Variants in ANKRD16 observed in about 807,000 individuals in gnomAD.
The protein encoded by ANKRD16 is ankyrin repeat domain-containing protein 16.
In ANKRD16, 35 loss-of-function variants were observed where a neutral mutation model predicts 37.9. The ratio of observed to expected loss-of-function variants is 0.92; its 90% CI spans 0.71 to 1.23. ANKRD16 has a LOEUF of 1.23. ANKRD16 is among the 50% of genes most tolerant of loss of function. The pLI is 0.00. For missense variants in ANKRD16, 480 were observed against 469.9 expected (o/e 1.02, Z -0.20); for synonymous variants, 206 against 197.2 (o/e 1.04, Z -0.37).
In ANKRD16 at chr10:5,863,114, A is replaced by G. The variant is rs1426528264; in HGVS notation, c.*34-423T>C. Among the ~76,000 whole-genome samples the G allele has an allele frequency of 2.0e-5, 3 of 152,040 alleles. No homozygotes were observed. The highest frequency in any genetic ancestry group is 1.5e-5 in the Non-Finnish European group (1 of 68,022). On this transcript the variant is annotated intron_variant, in intron 7 of 7. Transcript: ENST00000380094. This position sits in a 1 kb window ranked among gnomAD's most constrained non-coding sequence, Gnocchi z 4.7. ...GTCCCTGACTCCATGGGCTTTCAAC[A>G]CGAGGCCTCCCCAACGCAGTGTCCA...
intron 1 of ANKRD16, 89 bp downstream of exon 1, chr10:5,888,952 C>T (rs1842517436): frequency 1.5e-6 from 2 of 1,345,370 alleles, no homozygotes; most frequent in Non-Finnish European, 1.9e-6. Context: ...AGAACAGCTA[C>T]GGTGTCCAAG....
At chr10:5,884,333 T>C (rs1842376933) in intron 3 of ANKRD16, among the ~76,000 whole-genome samples, 1 of 152,246 alleles carries the variant, frequency 6.6e-6, no homozygotes, top group Non-Finnish European at 1.5e-5. Context: ...TTCAGCTTCC[T>C]GCACCAGAGA....
At chr10:5,886,553 T>C (rs555192869) in intron 2 of ANKRD16, among the ~76,000 whole-genome samples, 6 of 152,058 alleles carry the variant, frequency 3.9e-5, no homozygotes, top group Non-Finnish European at 5.9e-5. Context: ...ATCGTGCCAC[T>C]GTATTCCAGC....
In ANKRD16 at chr10:5,862,825, G is replaced by A. The variant is rs1276409373; in HGVS notation, c.*34-134C>T. 6 of 480,600 alleles carry A rather than the reference G, an allele frequency of 1.2e-5. No individual in the cohort carries two copies. The highest frequency in any genetic ancestry group is 2.0e-5 in the African/African-American group (1 of 49,738). 29.8% of individuals were successfully genotyped at this position (480,600 alleles called of 1,614,324 possible). On this transcript the variant is annotated intron_variant, in intron 7 of 7. Coordinates refer to ENST00000380094, the MANE Select transcript of ANKRD16 (RefSeq NM_019046.3). The surrounding 1 kb of genome is among the most constrained non-coding windows in gnomAD (Gnocchi z 6.5). ...AGGGCCTGGCTCTACATGCTGCACA[G>A]TCAGAGAGGGAGAGTCCCATGCGCA...
Position 5,880,346 on chromosome 10 carries a change from A to C in ANKRD16, c.880T>G (p.Leu294Val). The C allele has an allele frequency of 6.2e-7, 1 of 1,607,046 alleles. No individual in the cohort carries two copies. Residue 294 changes from leucine to valine, a missense_variant, in exon 6 of 8, where the codon TTA becomes GTA. Physicochemically the swap from Leu to Val is conservative, Grantham distance 32 (BLOSUM62 1). Coordinates refer to ENST00000380094, the MANE Select transcript of ANKRD16 (RefSeq NM_019046.3). ...EGHTSTIQTL[L>V]SLGADINSKD... ...GAATTGATGTCAGCTCCCAAGGATA[A>C]GAGAGTCTGAATTGTACTTGTATGT...
Position 5,888,020 on chromosome 10 carries a change from T to C in ANKRD16, c.362A>G (p.Gln121Arg). The change falls in exon 2 of 8, where the codon CAG becomes CGG. Residue 121 changes from glutamine (Q) to arginine (R), a missense_variant. Gln to Arg is a conservative substitution (Grantham distance 43, BLOSUM62 1). Transcript: ENST00000380094. ...ACTRKNLGVI[Q>R]ELVEHGANPL... The stretch of plus-strand genomic sequence containing the variant: ...ATTGGCGCCATGTTCCACCAGCTCC[T>C]GGATCACCCCCAGGTTCTTCCTTGT... 1 of 1,614,190 alleles carries C rather than the reference T, an allele frequency of 6.2e-7. No individual in the cohort carries two copies. Among genetic ancestry groups the C allele is most frequent in the Non-Finnish European group, 8.5e-7 (1 of 1,180,018 alleles).
rs1239425058 is a variant in ANKRD16 at position 5,889,067 on chromosome 10, C to T, written c.288G>A (p.Ala96=). The T allele has an allele frequency of 7.7e-6, 12 of 1,557,602 alleles. No homozygotes were observed. Among genetic ancestry groups the T allele is most frequent in the Non-Finnish European group, 9.5e-6 (11 of 1,158,294 alleles). ...CVRYLLGRGA[A]VDCLKKADWT... ...AGTCGGCCTTCTTCAGGCAGTCGAC[C>T]GCTGCCCCCCGGCCCAGCAGGTAGC... The change falls in exon 1 of 8, where the codon GCG becomes GCA. Residue 96 remains alanine, a synonymous_variant. Transcript: ENST00000380094.
intron 2 of ANKRD16, among the ~76,000 whole-genome samples, chr10:5,886,764 G>C (rs966951299): frequency 6.6e-6 from 1 of 152,140 alleles, no homozygotes; most frequent in Non-Finnish European, 1.5e-5. Flanking sequence ...TGAAATTACA[G>C]TAATTTTACT....
At chr10:5,873,272 C>T (rs1413837031) in intron 7 of ANKRD16, among the ~76,000 whole-genome samples, 1 of 151,272 alleles carries the variant, frequency 6.6e-6, no homozygotes, top group Non-Finnish European at 1.5e-5. Flanking sequence ...CATCATGATC[C>T]GCCCGCCTCG....
Position 5,863,450 on chromosome 10 carries a change from C to A in ANKRD16, c.*34-759G>T, listed in dbSNP as rs1841968777. Among the ~76,000 whole-genome samples the A allele has an allele frequency of 6.6e-6, 1 of 151,956 alleles. No individual in the cohort carries two copies. On this transcript the variant is annotated intron_variant, in intron 7 of 7. Coordinates refer to ENST00000380094, the MANE Select transcript of ANKRD16 (RefSeq NM_019046.3). This position sits in a 1 kb window ranked among gnomAD's most constrained non-coding sequence, Gnocchi z 4.7. ...CAATCAGCACTCTGTAAAAATGTAC[C>A]AATCAGCGCTCTGTGTCTAGCTAAA...
rs189612015 is a variant in ANKRD16, at chr10:5,874,421, T to C, written c.*33+3676A>G. Among the ~76,000 whole-genome samples, 70 of 152,192 alleles carry C rather than the reference T, an allele frequency of 4.6e-4. No individual in the cohort carries two copies. The highest frequency in any genetic ancestry group is 1.7e-3 in the African/African-American group (69 of 41,524). The stretch of plus-strand genomic sequence containing the variant: ...CATGTGGAGGGTGGATTTGAGGACT[T>C]GGAGAGGTGTATTTAAGACATGGCT... On this transcript the variant is annotated intron_variant, in intron 7 of 7. Coordinates refer to ENST00000380094, the MANE Select transcript of ANKRD16 (RefSeq NM_019046.3). The surrounding 1 kb of genome is among the most constrained non-coding windows in gnomAD (Gnocchi z 4.7).
At position 5,889,077 on chromosome 10, in the gene ANKRD16, C is replaced by T. The variant is rs548256145; in HGVS notation, c.278G>A (p.Arg93Gln). The T allele has an allele frequency of 2.9e-5, 45 of 1,564,690 alleles. No individual in the cohort carries two copies. In the South Asian group the frequency reaches 4.6e-4, roughly 16 times the overall value. ...CTTCAGGCAGTCGACCGCTGCCCCC[C>T]GGCCCAGCAGGTAGCGCACGCAGTC... ...HRDCVRYLLGRGAAVDCLKKA... is the reference protein window; with the variant it reads ...HRDCVRYLLGQGAAVDCLKKA... Residue 93 changes from arginine to glutamine, a missense_variant, in exon 1 of 8, where the codon CGG (arginine) becomes CAG (glutamine). By Grantham distance (43) the Arg-to-Gln change is conservative. Transcript: ENST00000380094.
At chr10:5,882,859 C>A in intron 5 of ANKRD16, 147 bp downstream of exon 5, 1 of 857,396 alleles carries the variant, frequency 1.2e-6, no homozygotes. Flanking sequence ...AGATAAAGCG[C>A]TTCAGAATCC....
rs769907992 is a variant in ANKRD16 at position 5,883,008 on chromosome 10, T to C, written c.847A>G (p.Lys283Glu). ...CAACGTTATAAGAAGTAACAAACCT[T>C]AGCTGCATAATGAAGTGCTGTGAGG... is the stretch of plus-strand genomic sequence containing the variant. The part of the protein sequence containing the change: ...THLTALHYAA[K>E]EGHTSTIQTL... The change falls in exon 5 of 8, where the codon AAG becomes GAG. Residue 283 changes from lysine (K) to glutamate (E), a missense_variant and splice_region_variant. Lys to Glu is a moderately conservative substitution (Grantham distance 56). Coordinates refer to ENST00000380094, the MANE Select transcript of ANKRD16 (RefSeq NM_019046.3). 6.3e-5 allele frequency: 102 copies of C among 1,613,112 alleles called. 2 individuals carry two copies. The South Asian group carries it at 1.0e-3, about 16-fold the overall frequency.
Position 5,875,603 on chromosome 10 carries a change from T to C in ANKRD16, c.*33+2494A>G, listed in dbSNP as rs556482681. 7.2e-5 allele frequency among the ~76,000 whole-genome samples: 11 copies of C among 152,148 alleles called. No homozygotes were observed. In the South Asian group the frequency reaches 2.3e-3, roughly 32 times the overall value. On this transcript the variant is annotated intron_variant, in intron 7 of 7. Coordinates refer to ENST00000380094, the MANE Select transcript of ANKRD16 (RefSeq NM_019046.3). ...GAGTAAAGTAACTATAATTAGGGAG[T>C]AATAGAAAAATATTAGTTATCATTG...
Position 5,872,846 on chromosome 10 carries a change from G to A in ANKRD16, c.*33+5251C>T, listed in dbSNP as rs532691191. On this transcript the variant is annotated intron_variant, in intron 7 of 7. Coordinates refer to ENST00000380094, the MANE Select transcript of ANKRD16 (RefSeq NM_019046.3). ...GCTGGCATTACAGGCGTGAGCCACC[G>A]CGCCCGGCCCTGCATTTTATTTTTT... Among the ~76,000 whole-genome samples, 221 of 150,660 alleles carry A rather than the reference G, an allele frequency of 1.5e-3. 1 individual carries two copies. Among genetic ancestry groups the A allele is most frequent in the Admixed American group, 1.1e-3 (16 of 15,076 alleles).
chr10:5,873,279 C>T (rs1368042154), intron 7 of ANKRD16, among the ~76,000 whole-genome samples: 1 of 152,118 alleles, frequency 6.6e-6, no homozygotes, highest in Non-Finnish European at 1.5e-5. Flanking sequence ...ATCCGCCCGC[C>T]TCGGCCTCCC....
chr10:5,867,616 AC>A (rs1398877060), intron 7 of ANKRD16, among the ~76,000 whole-genome samples: 1 of 152,180 alleles, frequency 6.6e-6, no homozygotes, highest in Non-Finnish European at 1.5e-5. Flanking sequence ...TATTATCCTA[AC>A]CTCTAATCTT....
chr10:5,863,174 G>C lies in ANKRD16; in HGVS notation c.*34-483C>G, dbSNP rs1841965585. Among the ~76,000 whole-genome samples the C allele has an allele frequency of 6.6e-6, 1 of 152,096 alleles. No individual in the cohort carries two copies. The highest frequency in any genetic ancestry group is 1.5e-5 in the Non-Finnish European group (1 of 68,024). ...TACTGTGGAACTTGGGAGACATGCAGATCCCACAGGAGAGGGAAGGGGGAG... is the reference window on the plus strand; with the variant it reads ...TACTGTGGAACTTGGGAGACATGCACATCCCACAGGAGAGGGAAGGGGGAG... On this transcript the variant is annotated intron_variant, in intron 7 of 7. Coordinates refer to ENST00000380094, the MANE Select transcript of ANKRD16 (RefSeq NM_019046.3). The surrounding 1 kb of genome is among the most constrained non-coding windows in gnomAD (Gnocchi z 4.7).
Sources: gnomAD v4.1 joint callset for allele counts (sites outside exome capture counted in the v4.1 genomes callset) on GRCh38, gnomAD v4.1.1 for gene constraint, Gnocchi (gnomAD v3.1) non-coding constraint, MANE v1.5 for transcripts, NCBI Gene and HGNC (gene_info 2026-07-23, HGNC 2026-07-21) for gene names.